The following LDLRAD4 variants were observed in gnomAD, a reference collection of about 807,000 sequenced individuals.
The protein encoded by LDLRAD4 is low-density lipoprotein receptor class A domain-containing protein 4.
In LDLRAD4, 5 loss-of-function variants were observed where a neutral mutation model predicts 17.0. The observed-to-expected ratio is 0.29, with a 90% confidence interval of 0.15 to 0.62. The LOEUF (loss-of-function observed/expected upper bound fraction) is 0.62, where lower values mean the gene tolerates loss of function less well. Among genes scored for constraint, LDLRAD4 ranks in the 20% least tolerant of loss-of-function variants. The pLI, the probability that LDLRAD4 is intolerant of heterozygous loss-of-function variation, is 0.84. For synonymous variants in LDLRAD4, 168 were observed against 171.8 expected (o/e 0.98, Z 0.17); for missense variants, 340 against 424.7 (o/e 0.80, Z 1.75).
At chr18:13,519,266 T>G (rs980772610) in intron 3 of LDLRAD4, among the ~76,000 whole-genome samples, 5 of 152,200 alleles carry the variant, frequency 3.3e-5, no homozygotes, top group Admixed American at 2.6e-4. Context: ...TCACTCACTG[T>G]TGCCAGACAT....
chr18:13,492,097 C>T (rs753756475), intron 3 of LDLRAD4, among the ~76,000 whole-genome samples: 27 of 152,178 alleles, frequency 1.8e-4, no homozygotes, highest in Non-Finnish European at 3.5e-4. Flanking sequence ...TCTCTAAGAT[C>T]CATGCCACCA....
chr18:13,247,753 T>C (rs540553176), intron 1 of LDLRAD4, among the ~76,000 whole-genome samples: 1 of 152,248 alleles, frequency 6.6e-6, no homozygotes, highest in African/African-American at 2.4e-5. Flanking sequence ...CTGATGGCGC[T>C]CCAGGGTTGC....
At chr18:13,454,657 A>G (rs768252138) in intron 3 of LDLRAD4, among the ~76,000 whole-genome samples, 1 of 152,252 alleles carries the variant, frequency 6.6e-6, no homozygotes, top group Non-Finnish European at 1.5e-5. Flanking sequence ...AGAGGGTAGC[A>G]GCAGGACATG....
chr18:13,222,014 C>T (rs977121429), intron 1 of LDLRAD4, among the ~76,000 whole-genome samples: 18 of 152,320 alleles, frequency 1.2e-4, no homozygotes, highest in Middle Eastern at 3.4e-3. Context: ...ACTAACACTC[C>T]GGCAGCCTGC....
upstream of LDLRAD4, among the ~76,000 whole-genome samples, chr18:13,218,496 C>T (rs2041270248): frequency 3.3e-5 from 5 of 152,192 alleles, no homozygotes; most frequent in South Asian, 1.0e-3. Context: ...GTCTCCGCGC[C>T]CCTAGGCCTC....
intron 3 of LDLRAD4, among the ~76,000 whole-genome samples, chr18:13,498,666 T>C (rs1427253841): frequency 1.4e-4 from 20 of 147,826 alleles, no homozygotes; most frequent in Non-Finnish European, 4.5e-5. Flanking sequence ...GGAGAATCCT[T>C]TTCCCCACAC....
At chr18:13,358,136 A>C (rs2083452645) in intron 1 of LDLRAD4, among the ~76,000 whole-genome samples, 1 of 152,178 alleles carries the variant, frequency 6.6e-6, no homozygotes, top group South Asian at 2.1e-4. Flanking sequence ...TGTTTCAAGA[A>C]GCTCTAGTTT....
At chr18:13,327,184 G>A (rs1488289964) in intron 1 of LDLRAD4, among the ~76,000 whole-genome samples, 2 of 152,098 alleles carry the variant, frequency 1.3e-5, no homozygotes, top group African/African-American at 2.4e-5. Flanking sequence ...GTTATCCATT[G>A]TCTTCTGAAG....
At chr18:13,282,172 C>A (rs2045322651) in intron 1 of LDLRAD4, among the ~76,000 whole-genome samples, 1 of 152,152 alleles carries the variant, frequency 6.6e-6, no homozygotes, top group African/African-American at 2.4e-5. Flanking sequence ...CGTGGGAATT[C>A]TGGGAGATAC....
At chr18:13,521,663 G>A (rs1259150315) in intron 3 of LDLRAD4, 1 of 151,872 alleles carries the variant, frequency 6.6e-6, no homozygotes, top group African/African-American at 2.4e-5. Context: ...GTTGTCACGG[G>A]GTCTGTTCCA....
intron 3 of LDLRAD4, among the ~76,000 whole-genome samples, chr18:13,564,026 C>G (rs1053909382): frequency 6.6e-6 from 1 of 152,204 alleles, no homozygotes; most frequent in Non-Finnish European, 1.5e-5. Flanking sequence ...CCAACCCAGC[C>G]TCCCAAAGAG....
At chr18:13,253,411 T>C (rs2043331575) in intron 1 of LDLRAD4, among the ~76,000 whole-genome samples, 1 of 152,202 alleles carries the variant, frequency 6.6e-6, no homozygotes, top group Admixed American at 6.5e-5. Context: ...AAGAGTAATA[T>C]TTTAAAAGTC....
chr18:13,640,899 T>C (rs2148967956), intron 4 of LDLRAD4, among the ~76,000 whole-genome samples: 1 of 152,278 alleles, frequency 6.6e-6, no homozygotes, highest in African/African-American at 2.4e-5. Flanking sequence ...ATTTAACAAA[T>C]TAAACAATGT....
intron 3 of LDLRAD4, among the ~76,000 whole-genome samples, chr18:13,589,960 C>T (rs567181760): frequency 1.8e-4 from 27 of 151,766 alleles, no homozygotes; most frequent in African/African-American, 4.8e-4. Context: ...ATTGGGTGTG[C>T]GAGTGGGTGT....
chr18:13,223,514 G>A (rs2041580918), intron 1 of LDLRAD4, among the ~76,000 whole-genome samples: 1 of 152,138 alleles, frequency 6.6e-6, no homozygotes, highest in Non-Finnish European at 1.5e-5. Flanking sequence ...GCACAGCCAG[G>A]CATTGTTCTC....
chr18:13,369,996 A>G (rs1488728752), intron 1 of LDLRAD4, among the ~76,000 whole-genome samples: 1 of 152,214 alleles, frequency 6.6e-6, no homozygotes, highest in Non-Finnish European at 1.5e-5. Flanking sequence ...TCTTGCCACT[A>G]GAATGCGTCT....
intron 1 of LDLRAD4, among the ~76,000 whole-genome samples, chr18:13,350,657 T>G (rs8088874): frequency 0.41 from 62,025 of 152,048 alleles, 14,303 homozygotes; most frequent in African/African-American, 0.64. Context: ...TGTCAATTTT[T>G]GCTTTTGGTG....
chr18:13,391,093 G>A (rs2086241699), intron 2 of LDLRAD4, among the ~76,000 whole-genome samples: 1 of 152,204 alleles, frequency 6.6e-6, no homozygotes, highest in South Asian at 2.1e-4. Context: ...TTTGGATTTT[G>A]CTGATTCTCT....
chr18:13,266,428 C>T (rs546063876), intron 1 of LDLRAD4, among the ~76,000 whole-genome samples: 1 of 152,210 alleles, frequency 6.6e-6, no homozygotes, highest in Non-Finnish European at 1.5e-5. Context: ...ACAACAGACA[C>T]AGCCCGCTGA....
Sources: gnomAD v4.1 joint callset for allele counts (sites outside exome capture counted in the v4.1 genomes callset) on GRCh38, gnomAD v4.1.1 for gene constraint, MANE v1.5 for transcripts, NCBI Gene and HGNC (gene_info 2026-07-23, HGNC 2026-07-21) for gene names.